The following NR5A2 variants were observed in gnomAD, a reference collection of about 807,000 sequenced individuals.
NR5A2 encodes the protein nuclear receptor subfamily 5 group A member 2, also known as CYP7A promoter-binding factor.
Under a neutral mutation model 62.7 loss-of-function variants are expected in NR5A2, and 26 were observed. The ratio of observed to expected loss-of-function variants is 0.41; its 90% CI spans 0.30 to 0.58. NR5A2 has a LOEUF of 0.58. Ranked by LOEUF, NR5A2 falls within the 20% of genes least tolerant of loss-of-function variation. NR5A2 has a pLI of 0.22. For synonymous variants in NR5A2, 246 were observed against 241.7 expected, an observed-to-expected ratio of 1.02 and a Z score of -0.16; for missense variants, 541 against 669.1, an observed-to-expected ratio of 0.81 and a Z score of 2.11.
chr1:200,099,338 T>C (rs1665255867), intron 5 of NR5A2, among the ~76,000 whole-genome samples: 1 of 67,290 alleles, frequency 1.5e-5, no homozygotes, highest in South Asian at 5.3e-4. Flanking sequence ...TTAGCCTCTA[T>C]AAGCCTTTTT....
intron 4 of NR5A2, among the ~76,000 whole-genome samples, chr1:200,047,309 T>G (rs1662412860): frequency 6.6e-6 from 1 of 152,240 alleles, no homozygotes; most frequent in Non-Finnish European, 1.5e-5. Flanking sequence ...TCATCTGATG[T>G]GGGCTCATCA....
intron 7 of NR5A2, among the ~76,000 whole-genome samples, chr1:200,168,190 G>T (rs1301140251): frequency 2.0e-5 from 3 of 150,694 alleles, no homozygotes; most frequent in African/African-American, 7.3e-5. Flanking sequence ...TACATATATA[G>T]TATATACACT....
chr1:200,133,357 C>T (rs1206725890), intron 7 of NR5A2, among the ~76,000 whole-genome samples: 4 of 151,804 alleles, frequency 2.6e-5, no homozygotes, highest in Admixed American at 2.6e-4. Flanking sequence ...TCTGTGCCAT[C>T]CATAAAGGTC....
At chr1:200,130,928 A>C (rs1256385062) in intron 7 of NR5A2, among the ~76,000 whole-genome samples, 2 of 152,234 alleles carry the variant, frequency 1.3e-5, no homozygotes, top group African/African-American at 4.8e-5. Context: ...TACAATTAGC[A>C]TTCATTCTCA....
At chr1:200,130,278 G>GGAA (rs66507419) in intron 7 of NR5A2, among the ~76,000 whole-genome samples, 2,611 of 106,454 alleles carry the variant, frequency 0.025, 33 homozygotes, top group Non-Finnish European at 0.043. Flanking sequence ...GAACTAACTA[G>GGAA]GAAGAAGAAG....
At chr1:200,144,192 G>A (rs1432701754) in intron 7 of NR5A2, among the ~76,000 whole-genome samples, 2 of 145,594 alleles carry the variant, frequency 1.4e-5, no homozygotes, top group African/African-American at 2.6e-5. Context: ...AACCACCACC[G>A]CCACCATCAT....
intron 5 of NR5A2, among the ~76,000 whole-genome samples, chr1:200,064,939 T>A (rs1340724366): frequency 6.6e-6 from 1 of 152,082 alleles, no homozygotes; most frequent in Non-Finnish European, 1.5e-5. Flanking sequence ...TGTAATGTTT[T>A]AAAAATTATT....
intron 6 of NR5A2, among the ~76,000 whole-genome samples, chr1:200,114,854 A>G (rs1187111961): frequency 6.6e-6 from 1 of 152,190 alleles, no homozygotes; most frequent in African/African-American, 2.4e-5. Context: ...CTAGTGCTAG[A>G]GTTTGTGTTC....
At chr1:200,132,137 G>A (rs1168583672) in intron 7 of NR5A2, among the ~76,000 whole-genome samples, 3 of 152,138 alleles carry the variant, frequency 2.0e-5, no homozygotes, top group African/African-American at 7.2e-5. Flanking sequence ...AGCCGCCTGA[G>A]TAGTTAGGAT....
At chr1:200,075,811 C>T (rs1664002472) in intron 5 of NR5A2, among the ~76,000 whole-genome samples, 1 of 151,958 alleles carries the variant, frequency 6.6e-6, no homozygotes, top group African/African-American at 2.4e-5. Flanking sequence ...AGCCTTATAT[C>T]GCCAGGCTTT....
At chr1:200,163,136 C>T (rs1185964455) in intron 7 of NR5A2, among the ~76,000 whole-genome samples, 4 of 152,064 alleles carry the variant, frequency 2.6e-5, no homozygotes, top group Non-Finnish European at 5.9e-5. Context: ...TCTTTGAATC[C>T]ATTTCCCAAG....
chr1:200,172,241 A>AT (rs1444422262), intron 7 of NR5A2, among the ~76,000 whole-genome samples: 1 of 152,344 alleles, frequency 6.6e-6, no homozygotes, highest in Non-Finnish European at 1.5e-5. Flanking sequence ...ATATTTTGCA[A>AT]TTTTGAACCA....
chr1:200,057,653 AT>A, intron 5 of NR5A2: 6 of 342,392 alleles, frequency 1.8e-5, no homozygotes, highest in Non-Finnish European at 2.3e-5. Context: ...TAATTTTTGT[AT>A]TTTTAGTAGA....
chr1:200,032,258 C>G (rs1017877742), intron 1 of NR5A2, among the ~76,000 whole-genome samples: 1 of 152,080 alleles, frequency 6.6e-6, no homozygotes, highest in Non-Finnish European at 1.5e-5. Context: ...CTGGGGAGGC[C>G]CTGGGGAAGT....
intron 7 of NR5A2, among the ~76,000 whole-genome samples, chr1:200,151,730 C>A (rs955739797): frequency 6.6e-6 from 1 of 152,222 alleles, no homozygotes; most frequent in African/African-American, 2.4e-5. Flanking sequence ...GCGATTCCTA[C>A]GTGGTTTTTG....
chr1:200,053,631 C>G (rs1662770300), intron 5 of NR5A2, among the ~76,000 whole-genome samples: 2 of 151,308 alleles, frequency 1.3e-5, no homozygotes, highest in Admixed American at 1.3e-4. Flanking sequence ...ATCTTTGACT[C>G]CAAAGAAAAC....
In NR5A2 at chr1:200,147,426, A is replaced by T; in HGVS notation, c.1378+26471A>T. On this transcript the variant is annotated intron_variant, in intron 7 of 7. Coordinates refer to ENST00000367362, the MANE Select transcript of NR5A2 (RefSeq NM_205860.3). This position sits in a 1 kb window ranked among gnomAD's most constrained non-coding sequence, Gnocchi z 4.9. ...GGTCTGGGCGAGATGCAGGCAGCTT[A>T]TCTGTTTATGGGGCTGCCTCCTCCA... 1 of 479,996 alleles carries T rather than the reference A, an allele frequency of 2.1e-6. No homozygotes were observed. Among genetic ancestry groups the T allele is most frequent in the South Asian group, 1.7e-5 (1 of 58,394 alleles). 29.7% of individuals were successfully genotyped at this position (479,996 alleles called of 1,614,324 possible).
At chr1:200,110,768 A>G (rs1474616247) in intron 5 of NR5A2, among the ~76,000 whole-genome samples, 1 of 152,136 alleles carries the variant, frequency 6.6e-6, no homozygotes, top group Non-Finnish European at 1.5e-5. Context: ...GCAGTTTGCT[A>G]ATATCTGTGT....
chr1:200,060,236 C>T (rs1663139991), intron 5 of NR5A2, among the ~76,000 whole-genome samples: 1 of 152,196 alleles, frequency 6.6e-6, no homozygotes, highest in Non-Finnish European at 1.5e-5. Flanking sequence ...CACGCTTAGG[C>T]ATTACCTTGT....
Sources: allele counts gnomAD v4.1 joint callset (sites outside exome capture counted in the v4.1 genomes callset), GRCh38; gene constraint gnomAD v4.1.1; non-coding constraint Gnocchi (gnomAD v3.1); transcripts MANE v1.5; gene names NCBI Gene and HGNC (gene_info 2026-07-23, HGNC 2026-07-21).